Variants in FBXO31 observed in about 807,000 individuals in gnomAD.
The protein encoded by FBXO31 is F-box only protein 31.
FBXO31 carries 24 observed loss-of-function variants against 54.4 expected under a neutral mutation model. The observed-to-expected ratio is 0.44, with a 90% CI of 0.32 to 0.62. The LOEUF (loss-of-function observed/expected upper bound fraction) is 0.62. Ranked by LOEUF, FBXO31 falls within the 20% of genes least tolerant of loss-of-function variation. The pLI, the probability that FBXO31 is intolerant of heterozygous loss-of-function variation, is 0.05. For missense variants in FBXO31, 665 were observed against 787.1 expected (o/e 0.84, Z 1.86); for synonymous variants, 388 against 335.6 (o/e 1.16, Z -1.71).
At position 87,383,422 on chromosome 16, in the gene FBXO31, C is replaced by A; in HGVS notation, c.323G>T (p.Arg108Met). The change falls in exon 1 of 9, where the codon AGG becomes ATG. Residue 108 changes from arginine to methionine, a missense_variant. Physicochemically the swap from Arg to Met is moderately conservative, Grantham distance 91. This residue lies in a region of FBXO31 where 195 missense variants were observed against 174.8 expected (regional missense o/e 1.12). Transcript: ENST00000311635. This position sits in a 1 kb window ranked among gnomAD's most constrained non-coding sequence, Gnocchi z 4.9. Reference sequence around the variant, plus strand: ...GCGCTCACCCTCACGGCAACGCCTCCTCCAGATGGTGTCGGTGTGGAGGAT... The same window carrying A: ...GCGCTCACCCTCACGGCAACGCCTCATCCAGATGGTGTCGGTGTGGAGGAT... Reference protein sequence around the residue: ...RRILHTDTIWRRRCREEYGVC... With the variant: ...RRILHTDTIWMRRCREEYGVC... 1 of 1,570,718 alleles carries A rather than the reference C, an allele frequency of 6.4e-7. No individual in the cohort carries two copies. Among genetic ancestry groups the A allele is most frequent in the Non-Finnish European group, 8.6e-7 (1 of 1,162,798 alleles).
chr16:87,385,679 CAGG>C (rs1177848318), upstream of FBXO31, among the ~76,000 whole-genome samples: 2 of 151,934 alleles, frequency 1.3e-5, no homozygotes, highest in Non-Finnish European at 2.9e-5. Context: ...TGGAGTTAGC[CAGG>C]AGGAGAACAC....
At chr16:87,343,550 C>A (rs1450892736) in intron 4 of FBXO31, 48 bp downstream of exon 4, 1 of 1,553,094 alleles carries the variant, frequency 6.4e-7, no homozygotes, top group South Asian at 1.2e-5. Context: ...GGAGCCCACA[C>A]AGGACAGCCC....
intron 8 of FBXO31, among the ~76,000 whole-genome samples, chr16:87,332,957 G>A (rs866555650): frequency 3.0e-4 from 46 of 152,356 alleles, no homozygotes; most frequent in African/African-American, 1.0e-3. Flanking sequence ...CTGTGGTGAT[G>A]GAATGTTCTA....
intron 2 of FBXO31, among the ~76,000 whole-genome samples, chr16:87,352,028 T>A (rs985717644): frequency 1.3e-5 from 2 of 152,076 alleles, no homozygotes; most frequent in East Asian, 3.9e-4. Context: ...CAAGGCGATG[T>A]GGGGTGGGGT....
chr16:87,382,447 A>G (rs1233248496), intron 1 of FBXO31, among the ~76,000 whole-genome samples: 2 of 152,180 alleles, frequency 1.3e-5, no homozygotes, highest in Non-Finnish European at 2.9e-5. Context: ...AACATCAAAG[A>G]GCTGTCAACC....
At chr16:87,380,733 G>A (rs1388862324) in intron 1 of FBXO31, among the ~76,000 whole-genome samples, 1 of 152,218 alleles carries the variant, frequency 6.6e-6, no homozygotes. Context: ...CTACATCACG[G>A]TGTCTGGTGT....
intron 1 of FBXO31, among the ~76,000 whole-genome samples, chr16:87,374,540 C>T (rs1005920447): frequency 6.6e-6 from 1 of 152,164 alleles, no homozygotes. Context: ...GTCCTAAGCC[C>T]GACTGTCTGT....
intron 1 of FBXO31, among the ~76,000 whole-genome samples, chr16:87,368,914 C>G (rs1355064021): frequency 6.6e-6 from 1 of 152,130 alleles, no homozygotes; most frequent in Admixed American, 6.5e-5. Context: ...ATTCTCCTGC[C>G]TCAGCCTACC....
At chr16:87,344,858 G>A (rs1392758322) in intron 3 of FBXO31, among the ~76,000 whole-genome samples, 2 of 152,010 alleles carry the variant, frequency 1.3e-5, no homozygotes, top group Non-Finnish European at 2.9e-5. Flanking sequence ...CCCCACCTGG[G>A]GGCAAAACCC....
intron 1 of FBXO31, among the ~76,000 whole-genome samples, chr16:87,370,787 C>CAA (rs1370846500): frequency 1.3e-5 from 2 of 152,206 alleles, no homozygotes; most frequent in East Asian, 3.9e-4. Context: ...GCTTTACACT[C>CAA]AGTTTTCCAA....
rs1904841833 is a variant in FBXO31 at position 87,331,191 on chromosome 16, A to G, written c.*97T>C. The G allele has an allele frequency of 3.1e-6, 4 of 1,298,010 alleles. No homozygotes were observed. Among genetic ancestry groups the G allele is most frequent in the African/African-American group, 1.5e-5 (1 of 68,670 alleles). The allele number at this position is 1,298,010 out of a possible 1,614,324, so 80.4% of individuals were successfully genotyped here. ...CCCCGACGAGGTGTGCGTTCTGGTC[A>G]AAAGGCCGGATTTCCAAAGTGCATG... On this transcript the variant is annotated 3_prime_UTR_variant, in exon 9 of 9. Transcript: ENST00000311635.
intron 1 of FBXO31, among the ~76,000 whole-genome samples, chr16:87,382,536 G>A (rs1316407118): frequency 6.6e-6 from 1 of 152,106 alleles, no homozygotes; most frequent in African/African-American, 2.4e-5. Context: ...ATTGCTGAAG[G>A]CAAAAGTCCA....
rs1448716579 is a variant in FBXO31 at position 87,372,282 on chromosome 16, GACT to G, written c.340+11120_340+11122del. Among the ~76,000 whole-genome samples the G allele has an allele frequency of 3.9e-5, 6 of 152,156 alleles. No individual in the cohort carries two copies. The East Asian group carries it at 1.2e-3, about 29-fold the overall frequency. On this transcript the variant is annotated intron_variant, in intron 1 of 8. Transcript: ENST00000311635. ...CTCCTTGTGCTTTGCTAAGTGAAAT[GACT>G]ACGTTTCTCTAGACAGTGGTGGATG...
chr16:87,343,820 C>A lies in FBXO31; in HGVS notation c.490-55G>T, dbSNP rs1161238418. On this transcript the variant is annotated intron_variant, in intron 3 of 8. Transcript: ENST00000311635. ...AGTGGCTCCCGGGCCAGAGCAAGGG[C>A]GGCCCCGCACGGCTCCCCGCACTGC... 5 of 1,581,442 alleles carry A rather than the reference C, an allele frequency of 3.2e-6. No homozygotes were observed. The Admixed American group carries it at 6.8e-5, about 21-fold the overall frequency.
In FBXO31 at chr16:87,338,508, T is replaced by C. The variant is rs1741006693; in HGVS notation, c.733-2244A>G. Among the ~76,000 whole-genome samples, 1 of 151,668 alleles carries C rather than the reference T, an allele frequency of 6.6e-6. No individual in the cohort carries two copies. The highest frequency in any genetic ancestry group is 1.9e-4 in the East Asian group (1 of 5,154). On this transcript the variant is annotated intron_variant, in intron 5 of 8. Transcript: ENST00000311635. The surrounding 1 kb of genome is among the most constrained non-coding windows in gnomAD (Gnocchi z 4.3). ...AAACACACAGGGGTGGGAAGGGACA[T>C]GGTGGCTTGCCCTGGCCCGGCACCC...
At chr16:87,355,546 T>A (rs1905854930) in intron 2 of FBXO31, among the ~76,000 whole-genome samples, 1 of 152,240 alleles carries the variant, frequency 6.6e-6, no homozygotes, top group Non-Finnish European at 1.5e-5. Flanking sequence ...ATGCAACCAA[T>A]GTTTAACTGC....
intron 1 of FBXO31, chr16:87,367,932 A>G (rs917477103): frequency 4.6e-5 from 7 of 152,224 alleles, no homozygotes; most frequent in African/African-American, 7.2e-5. Context: ...ACTGAGCCCA[A>G]TGCATCCTCT....
intron 5 of FBXO31, among the ~76,000 whole-genome samples, chr16:87,341,655 CAAAAAAAAAAAA>C (rs397854967): frequency 5.7e-5 from 4 of 70,652 alleles, no homozygotes; most frequent in Non-Finnish European, 7.9e-5. Flanking sequence ...GACTCCGTCT[CAAAAAAAAAAAA>C]AAAAAAAAAA....
In FBXO31 at chr16:87,383,689, C is replaced by T; in HGVS notation, c.56G>A (p.Arg19His). Residue 19 changes from arginine (R) to histidine (H), a missense_variant, in exon 1 of 9, where the codon CGC becomes CAC. Physicochemically the swap from Arg to His is conservative, Grantham distance 29. Coordinates refer to ENST00000311635, the MANE Select transcript of FBXO31 (RefSeq NM_024735.5). This position sits in a 1 kb window ranked among gnomAD's most constrained non-coding sequence, Gnocchi z 4.9. ...GVGPSRGCRR[R>H]QQRRGPAETA... ...CTCGGCCGGGCCCCGGCGCTGCTGGCGGCGCCGACATCCGCGCGACGGGCC... is the reference window on the plus strand; with the variant it reads ...CTCGGCCGGGCCCCGGCGCTGCTGGTGGCGCCGACATCCGCGCGACGGGCC... 7.8e-7 allele frequency: 1 copy of T among 1,274,964 alleles called. No homozygotes were observed. Among genetic ancestry groups the T allele is most frequent in the South Asian group, 2.7e-5 (1 of 37,248 alleles). 79.0% of individuals were successfully genotyped at this position (1,274,964 alleles called of 1,614,324 possible). A position where few individuals can be genotyped will look rare whatever the true frequency, so the allele number is the denominator to read the frequency against.
Sources: allele counts gnomAD v4.1 joint callset (sites outside exome capture counted in the v4.1 genomes callset), GRCh38; gene constraint gnomAD v4.1.1; regional missense constraint gnomAD v4.1.1; non-coding constraint Gnocchi (gnomAD v3.1); transcripts MANE v1.5; gene names NCBI Gene and HGNC (gene_info 2026-07-23, HGNC 2026-07-21).